TRDN: variants seen among roughly 807,000 people sequenced by gnomAD.
TRDN encodes the protein triadin, also known as triadin in skeletal muscle.
In TRDN, 161 loss-of-function variants were observed where a neutral mutation model predicts 149.7. That is an observed-to-expected ratio of 1.08 (90% CI 0.95 to 1.23). The LOEUF (loss-of-function observed/expected upper bound fraction) is 1.23. TRDN is among the 50% of genes most tolerant of loss of function. The probability of loss-of-function intolerance (pLI) is 0.00; values close to 1 mark genes in which losing one functional copy is unlikely to be tolerated. For missense variants in TRDN, 896 were observed against 823.5 expected (o/e 1.09, Z -1.08); for synonymous variants, 294 against 250.5 (o/e 1.17, Z -1.64).
chr6:123,534,876 C>T (rs1307681929), intron 4 of TRDN, among the ~76,000 whole-genome samples: 1 of 152,040 alleles, frequency 6.6e-6, no homozygotes, highest in Non-Finnish European at 1.5e-5. Context: ...AAACCTGAAC[C>T]AAACCTGGAT....
At chr6:123,298,265 G>C (rs923540345) in intron 24 of TRDN, among the ~76,000 whole-genome samples, 8 of 151,964 alleles carry the variant, frequency 5.3e-5, no homozygotes, top group African/African-American at 1.9e-4. Context: ...GATATCTCGA[G>C]TATGACCCCA....
chr6:123,309,054 A>G (rs1181299420), intron 24 of TRDN, among the ~76,000 whole-genome samples: 2 of 151,950 alleles, frequency 1.3e-5, no homozygotes, highest in African/African-American at 4.8e-5. Flanking sequence ...CTTTTATTTT[A>G]TAATACCTAG....
At chr6:123,631,002 A>G (rs1318134550) in intron 1 of TRDN, among the ~76,000 whole-genome samples, 1 of 151,670 alleles carries the variant, frequency 6.6e-6, no homozygotes, top group East Asian at 1.9e-4. Context: ...GTAAAACTCC[A>G]TGCACTTACT....
chr6:123,466,165 C>A (rs755925365), intron 9 of TRDN, among the ~76,000 whole-genome samples: 4 of 152,138 alleles, frequency 2.6e-5, no homozygotes, highest in Non-Finnish European at 2.9e-5. Context: ...TTGTTAATTT[C>A]TTTCATTATG....
chr6:123,525,904 A>C (rs1779922472), intron 5 of TRDN, among the ~76,000 whole-genome samples: 1 of 152,014 alleles, frequency 6.6e-6, no homozygotes, highest in Non-Finnish European at 1.5e-5. Context: ...TGGCCCTCTA[A>C]AGTATAACTA....
At chr6:123,385,915 C>T (rs1244331185) in intron 14 of TRDN, among the ~76,000 whole-genome samples, 1 of 152,088 alleles carries the variant, frequency 6.6e-6, no homozygotes, top group Non-Finnish European at 1.5e-5. Flanking sequence ...ACCTAAAAAG[C>T]TCACTGGAAT....
chr6:123,404,792 A>G (rs1420430151), intron 12 of TRDN, among the ~76,000 whole-genome samples: 1 of 152,172 alleles, frequency 6.6e-6, no homozygotes, highest in Non-Finnish European at 1.5e-5. Context: ...AAGAGTTCAA[A>G]TGCTTTAACT....
Position 123,221,538 on chromosome 6 carries a change from T to C in TRDN, c.2015-16A>G. 3 of 1,538,706 alleles carry C rather than the reference T, an allele frequency of 1.9e-6. No homozygotes were observed. Among genetic ancestry groups the C allele is most frequent in the Non-Finnish European group, 1.8e-6 (2 of 1,122,798 alleles). ...TCAGTTCCTTCTAGTGGATAAAAAATATAAAAGTAAATAACTTGTACATTT... is the reference window on the plus strand; with the variant it reads ...TCAGTTCCTTCTAGTGGATAAAAAACATAAAAGTAAATAACTTGTACATTT... On this transcript the variant is annotated splice_polypyrimidine_tract_variant and intron_variant, in intron 39 of 40. Transcript: ENST00000334268.
At chr6:123,432,781 CTT>C (rs1774386298) in intron 12 of TRDN, among the ~76,000 whole-genome samples, 2 of 152,058 alleles carry the variant, frequency 1.3e-5, no homozygotes, top group African/African-American at 2.4e-5. Context: ...AAGTTGATAA[CTT>C]TTGCTTCTTG....
At chr6:123,622,018 G>A (rs528264555) in intron 1 of TRDN, among the ~76,000 whole-genome samples, 101 of 152,046 alleles carry the variant, frequency 6.6e-4, no homozygotes, top group Non-Finnish European at 1.2e-3. Context: ...TTCCACTTAC[G>A]TGAGAATCTT....
At chr6:123,623,412 G>A (rs1301137805) in intron 1 of TRDN, among the ~76,000 whole-genome samples, 1 of 152,032 alleles carries the variant, frequency 6.6e-6, no homozygotes, top group East Asian at 1.9e-4. Flanking sequence ...CTTGTTAACT[G>A]TGGTGTAGTT....
chr6:123,588,845 A>G (rs1783643579), intron 1 of TRDN, among the ~76,000 whole-genome samples: 2 of 152,212 alleles, frequency 1.3e-5, no homozygotes, highest in Non-Finnish European at 2.9e-5. Flanking sequence ...GACTATTAGT[A>G]TATGTTAAAC....
chr6:123,341,576 T>A (rs541911984), intron 21 of TRDN, among the ~76,000 whole-genome samples: 1 of 152,004 alleles, frequency 6.6e-6, no homozygotes, highest in African/African-American at 2.4e-5. Flanking sequence ...TTAAAAAGCA[T>A]AATATAAAAT....
At chr6:123,324,695 C>A (rs1465178261) in intron 23 of TRDN, among the ~76,000 whole-genome samples, 2 of 152,114 alleles carry the variant, frequency 1.3e-5, no homozygotes, top group Non-Finnish European at 2.9e-5. Flanking sequence ...TACAGCTGTA[C>A]ACATGTTGCT....
intron 1 of TRDN, among the ~76,000 whole-genome samples, chr6:123,620,062 A>T (rs2114707446): frequency 6.6e-6 from 1 of 152,248 alleles, no homozygotes; most frequent in South Asian, 2.1e-4. Context: ...CTTGTGCATG[A>T]TCACAAATTT....
intron 9 of TRDN, among the ~76,000 whole-genome samples, chr6:123,481,899 A>G (rs913269739): frequency 6.6e-6 from 1 of 152,320 alleles, no homozygotes; most frequent in Admixed American, 6.5e-5. Context: ...ATGGCATGTG[A>G]AAAAGGGTTG....
intron 24 of TRDN, among the ~76,000 whole-genome samples, chr6:123,304,252 C>A (rs1286032788): frequency 3.1e-5 from 4 of 128,968 alleles, no homozygotes; most frequent in South Asian, 2.4e-4. Flanking sequence ...CTTTTATTTT[C>A]TTTTTTTTTT....
At chr6:123,518,288 G>A (rs1219780569) in intron 5 of TRDN, among the ~76,000 whole-genome samples, 1 of 152,112 alleles carries the variant, frequency 6.6e-6, no homozygotes, top group East Asian at 1.9e-4. Flanking sequence ...CACAAAATAA[G>A]GCAAGGAAAT....
At chr6:123,257,137 G>A (rs1192630570) in intron 35 of TRDN, among the ~76,000 whole-genome samples, 1 of 151,804 alleles carries the variant, frequency 6.6e-6, no homozygotes, top group Non-Finnish European at 1.5e-5. Context: ...GTGCCACCAT[G>A]CCAGGCTAAT....
Sources: allele counts gnomAD v4.1 joint callset (sites outside exome capture counted in the v4.1 genomes callset), GRCh38; gene constraint gnomAD v4.1.1; transcripts MANE v1.5; gene names NCBI Gene and HGNC (gene_info 2026-07-23, HGNC 2026-07-21).